The following ZNF814 variants were observed in gnomAD, a reference collection of about 807,000 sequenced individuals.
ZNF814 encodes the protein zinc finger protein 814.
Under a neutral mutation model 7.5 loss-of-function variants are expected in ZNF814, and 5 were observed. The observed-to-expected ratio is 0.67, with a 90% CI of 0.35 to 1.40. ZNF814 has a LOEUF of 1.40. Ranked by LOEUF, ZNF814 falls within the 40% of genes most tolerant of loss-of-function variation. The pLI, the probability that ZNF814 is intolerant of heterozygous loss-of-function variation, is 0.04. For missense variants in ZNF814, 962 were observed against 1,018.0 expected, an observed-to-expected ratio of 0.94 and a Z score of 0.75; for synonymous variants, 315 against 340.7, an observed-to-expected ratio of 0.92 and a Z score of 0.83.
chr19:57,872,612 G>T lies in ZNF814; in HGVS notation c.*210C>A. The T allele has an allele frequency of 1.5e-6, 2 of 1,314,804 alleles. No individual in the cohort carries two copies. Among genetic ancestry groups the T allele is most frequent in the Non-Finnish European group, 2.1e-6 (2 of 935,742 alleles). The allele number at this position is 1,314,804 out of a possible 1,614,324, so 81.4% of individuals were successfully genotyped here. ...GTGTGAACTCTCCTGTGTTTAATGAGACTGAAAGTTTCAGCAAAGGATTTC... is the reference window on the plus strand; with the variant it reads ...GTGTGAACTCTCCTGTGTTTAATGATACTGAAAGTTTCAGCAAAGGATTTC... On this transcript the variant is annotated 3_prime_UTR_variant, in exon 3 of 3. Coordinates refer to ENST00000435989, the MANE Select transcript of ZNF814 (RefSeq NM_001144989.2).
chr19:57,890,353 GTTTA>G (rs746695067), upstream of ZNF814, among the ~76,000 whole-genome samples: 15 of 151,492 alleles, frequency 9.9e-5, no homozygotes, highest in South Asian at 1.2e-3. Flanking sequence ...TGTTGTTGTT[GTTTA>G]TTTGTTTGTT....
At chr19:57,903,239 G>A in the ZNF814 span, among the ~76,000 whole-genome samples, 1 of 152,172 alleles carries the variant, frequency 6.6e-6, no homozygotes, top group African/African-American at 2.4e-5. Context: ...TGGCCTCACT[G>A]CAGTTACCAC....
At chr19:57,893,889 C>T (rs942680957), upstream of ZNF814, among the ~76,000 whole-genome samples, 4 of 149,916 alleles carry the variant, frequency 2.7e-5, no homozygotes, top group African/African-American at 9.9e-5. Context: ...CATTGCACTC[C>T]AGCGTGGGTG....
chr19:57,898,895 G>GT, the ZNF814 span, among the ~76,000 whole-genome samples: 1 of 149,648 alleles, frequency 6.7e-6, no homozygotes, highest in Non-Finnish European at 1.5e-5. Flanking sequence ...AGCTGAGATC[G>GT]TGCCACTGCA....
At chr19:57,891,429 G>T (rs2071733607), upstream of ZNF814, among the ~76,000 whole-genome samples, 1 of 151,718 alleles carries the variant, frequency 6.6e-6, no homozygotes, top group African/African-American at 2.4e-5. Flanking sequence ...GGAGGCTGAG[G>T]TAGGGGAACG....
In ZNF814 at chr19:57,876,901, G is replaced by C. The variant is rs759361763; in HGVS notation, c.163+15C>G. ...GAGACTAGCTCAGGTCACAGGGTGAGTGTGAGCAACTTACCCAGGGAGGAT... is the reference window on the plus strand; with the variant it reads ...GAGACTAGCTCAGGTCACAGGGTGACTGTGAGCAACTTACCCAGGGAGGAT... On this transcript the variant is annotated intron_variant, in intron 2 of 2. Transcript: ENST00000435989. 11 of 1,613,866 alleles carry C rather than the reference G, an allele frequency of 6.8e-6. No homozygotes were observed. The highest frequency in any genetic ancestry group is 8.5e-6 in the Non-Finnish European group (10 of 1,179,922).
the ZNF814 span, among the ~76,000 whole-genome samples, chr19:57,894,110 G>C: frequency 1.3e-5 from 2 of 150,938 alleles, no homozygotes; most frequent in South Asian, 4.2e-4. Flanking sequence ...AGGTGCAGTG[G>C]CTCATGCCTG....
chr19:57,884,435 G>T (rs1031215785), intron 1 of ZNF814, among the ~76,000 whole-genome samples: 1 of 152,032 alleles, frequency 6.6e-6, no homozygotes, highest in Admixed American at 6.6e-5. Flanking sequence ...TAACCAGTGA[G>T]ACCCCCATCT....
In ZNF814 at chr19:57,872,404, C is replaced by A; in HGVS notation, c.*418G>T. 4.2e-6 allele frequency: 1 copy of A among 237,482 alleles called. No individual in the cohort carries two copies. The highest frequency in any genetic ancestry group is 8.2e-6 in the Non-Finnish European group (1 of 122,542). 14.7% of individuals were successfully genotyped at this position (237,482 alleles called of 1,614,324 possible). ...GCTAGATTTCTACATAAATATCTCACATGTCACACTGGTAAGGCCCTGATC... is the reference window on the plus strand; with the variant it reads ...GCTAGATTTCTACATAAATATCTCAAATGTCACACTGGTAAGGCCCTGATC... On this transcript the variant is annotated 3_prime_UTR_variant, in exon 3 of 3. Transcript: ENST00000435989.
At chr19:57,878,314 G>A (rs1165555009) in intron 1 of ZNF814, among the ~76,000 whole-genome samples, 2 of 151,792 alleles carry the variant, frequency 1.3e-5, no homozygotes, top group Non-Finnish European at 2.9e-5. Flanking sequence ...TGAAGAGAGT[G>A]TAATGGCCTG....
chr19:57,876,030 G>A (rs2071604815), intron 2 of ZNF814, among the ~76,000 whole-genome samples: 3 of 128,756 alleles, frequency 2.3e-5, no homozygotes, highest in African/African-American at 8.8e-5. Flanking sequence ...GTGCGATCTG[G>A]GCTCACCGCA....
chr19:57,878,500 A>G (rs963771505), intron 1 of ZNF814, among the ~76,000 whole-genome samples: 9 of 143,380 alleles, frequency 6.3e-5, no homozygotes, highest in Admixed American at 2.2e-4. Flanking sequence ...TCACTCTGTC[A>G]CCAGGCTCGA....
At chr19:57,894,997 G>C in the ZNF814 span, among the ~76,000 whole-genome samples, 1 of 152,184 alleles carries the variant, frequency 6.6e-6, no homozygotes, top group Admixed American at 6.5e-5. Context: ...CACAGGGGAA[G>C]AGTATAATAA....
At chr19:57,898,146 T>C in the ZNF814 span, among the ~76,000 whole-genome samples, 3 of 152,218 alleles carry the variant, frequency 2.0e-5, no homozygotes, top group Non-Finnish European at 2.9e-5. Flanking sequence ...TCCATTGGTA[T>C]TGTTGGAGTA....
At chr19:57,904,019 G>A in the ZNF814 span, among the ~76,000 whole-genome samples, 1 of 152,192 alleles carries the variant, frequency 6.6e-6, no homozygotes, top group African/African-American at 2.4e-5. Context: ...TCTAAACCCA[G>A]GGTATGAAAC....
chr19:57,886,139 A>G (rs2071691791), intron 1 of ZNF814, among the ~76,000 whole-genome samples: 1 of 152,176 alleles, frequency 6.6e-6, no homozygotes, highest in Non-Finnish European at 1.5e-5. Flanking sequence ...GGTCGGGGTC[A>G]GTACCAGTGA....
At chr19:57,901,736 A>G in the ZNF814 span, 1 of 398,678 alleles carries the variant, frequency 2.5e-6, no homozygotes, top group Non-Finnish European at 4.4e-6. Flanking sequence ...AGAACAAATC[A>G]AAAACAACTA....
chr19:57,903,404 A>T, the ZNF814 span, among the ~76,000 whole-genome samples: 2 of 152,232 alleles, frequency 1.3e-5, 1 homozygote, highest in South Asian at 4.1e-4. Context: ...TCAGACAGTA[A>T]TTTGGATGGG....
At chr19:57,883,768 T>A (rs1273380727) in intron 1 of ZNF814, among the ~76,000 whole-genome samples, 2 of 152,098 alleles carry the variant, frequency 1.3e-5, no homozygotes, top group Non-Finnish European at 2.9e-5. Context: ...TTCTTTATTT[T>A]TTTTTTTGAG....
Sources: allele counts gnomAD v4.1 joint callset (sites outside exome capture counted in the v4.1 genomes callset), GRCh38; gene constraint gnomAD v4.1.1; transcripts MANE v1.5; gene names NCBI Gene and HGNC (gene_info 2026-07-23, HGNC 2026-07-21).